The following PPP1R7 variants were observed in gnomAD, a reference collection of about 807,000 sequenced individuals.
PPP1R7 encodes the protein protein phosphatase 1 regulatory subunit 7.
Under a neutral mutation model 45.2 loss-of-function variants are expected in PPP1R7, and 18 were observed. That is an observed-to-expected ratio of 0.40 (90% CI 0.28 to 0.59). PPP1R7 has a LOEUF of 0.59. PPP1R7 is among the 20% of genes least tolerant of loss of function. The pLI is 0.46. For synonymous variants in PPP1R7, 181 were observed against 183.4 expected (o/e 0.99, Z 0.11); for missense variants, 314 against 455.8 (o/e 0.69, Z 2.83).
intron 8 of PPP1R7, among the ~76,000 whole-genome samples, chr2:241,169,278 T>A (rs1353943070): frequency 6.6e-6 from 1 of 152,176 alleles, no homozygotes; most frequent in East Asian, 1.9e-4. Flanking sequence ...CTCCCACTGC[T>A]ACTGTGCGCC....
chr2:241,173,564 G>A (rs1253474054), intron 9 of PPP1R7, among the ~76,000 whole-genome samples: 2 of 152,126 alleles, frequency 1.3e-5, no homozygotes, highest in Non-Finnish European at 2.9e-5. Context: ...TTTCTGTGAT[G>A]TGTCAGGGTT....
At chr2:241,173,916 A>ATTTT (rs10688614) in intron 9 of PPP1R7, among the ~76,000 whole-genome samples, 1 of 145,328 alleles carries the variant, frequency 6.9e-6, no homozygotes, top group African/African-American at 2.5e-5. Context: ...ATTTGGCTTT[A>ATTTT]TTTTTTTTTT....
At chr2:241,152,656 C>G (rs1256433188) in intron 1 of PPP1R7, among the ~76,000 whole-genome samples, 1 of 152,124 alleles carries the variant, frequency 6.6e-6, no homozygotes, top group Non-Finnish European at 1.5e-5. Flanking sequence ...GTAGATAAAC[C>G]ATAGTCAGGA....
chr2:241,169,881 A>G lies in PPP1R7; in HGVS notation c.906+14A>G. 1.3e-6 allele frequency: 2 copies of G among 1,582,516 alleles called. No homozygotes were observed. Among genetic ancestry groups the G allele is most frequent in the Non-Finnish European group, 1.7e-6 (2 of 1,151,382 alleles). On this transcript the variant is annotated intron_variant, in intron 9 of 9. Transcript: ENST00000234038. ...CAAGAGTTCTGGGTAAGTTTAATAC[A>G]CGCTGGGGTTGATGACACTTTGACT...
At chr2:241,152,708 T>C (rs928874986) in intron 1 of PPP1R7, among the ~76,000 whole-genome samples, 4 of 152,202 alleles carry the variant, frequency 2.6e-5, no homozygotes, top group African/African-American at 9.6e-5. Flanking sequence ...AGTAATGTGT[T>C]AGTGCCTCAT....
chr2:241,174,075 T>C (rs2067868054), intron 9 of PPP1R7, among the ~76,000 whole-genome samples: 1 of 152,220 alleles, frequency 6.6e-6, no homozygotes, highest in Admixed American at 6.5e-5. Flanking sequence ...CTTCAAAACA[T>C]ACTGAACTTT....
intron 1 of PPP1R7, 137 bp from the exon 2 acceptor site, chr2:241,153,339 C>T: frequency 8.6e-7 from 1 of 1,167,160 alleles, no homozygotes; most frequent in Admixed American, 2.2e-5. Context: ...ACATGGGAGA[C>T]ACTCAGATGT....
At position 241,163,481 on chromosome 2, in the gene PPP1R7, T is replaced by A. The variant is rs561934807; in HGVS notation, c.714+80T>A. ...CTGGACACAATCTTAGTTTTTATCC[T>A]TCACTGCCTTCACAATTGGCACTTC... On this transcript the variant is annotated intron_variant, in intron 7 of 9. Transcript: ENST00000234038. 1.2e-4 allele frequency: 113 copies of A among 936,814 alleles called. 1 individual carries two copies. The South Asian group carries it at 1.6e-3, about 13-fold the overall frequency. The allele number at this position is 936,814 out of a possible 1,614,324, so 58.0% of individuals were successfully genotyped here. A position where few individuals can be genotyped will look rare whatever the true frequency, so the allele number is the denominator to read the frequency against.
At chr2:241,177,501 A>T (rs1319269163) in intron 9 of PPP1R7, among the ~76,000 whole-genome samples, 3 of 152,232 alleles carry the variant, frequency 2.0e-5, no homozygotes, top group Non-Finnish European at 4.4e-5. Flanking sequence ...AATTTTATAA[A>T]GCGTATGTAT....
Position 241,166,328 on chromosome 2 carries a change from C to G in PPP1R7, c.715-9C>G, listed in dbSNP as rs1379210070. On this transcript the variant is annotated splice_polypyrimidine_tract_variant and intron_variant, in intron 7 of 9. Coordinates refer to ENST00000234038, the MANE Select transcript of PPP1R7 (RefSeq NM_002712.3). The stretch of plus-strand genomic sequence containing the variant: ...CTGTTCTGACAGCTGTGTGCTCTCC[C>G]TCTTGCAGAGCAACCGGCTGACCAA... 1.2e-6 allele frequency: 2 copies of G among 1,611,214 alleles called. No individual in the cohort carries two copies.
Position 241,155,625 on chromosome 2 carries a change from C to T in PPP1R7, c.181+2021C>T, listed in dbSNP as rs565583500. Among the ~76,000 whole-genome samples, 83 of 152,304 alleles carry T rather than the reference C, an allele frequency of 5.4e-4. 2 individuals are homozygous for T. Among genetic ancestry groups the T allele is most frequent in the Admixed American group, 5.4e-3 (82 of 15,296 alleles). On this transcript the variant is annotated intron_variant, in intron 2 of 9. Transcript: ENST00000234038. ...AAACCTTGTTTCAGAGGTTAGCTGA[C>T]ATTTTGAGTGGTGAGCGGCCAGCCC...
At chr2:241,167,457 C>T (rs949983168) in intron 8 of PPP1R7, among the ~76,000 whole-genome samples, 2 of 147,408 alleles carry the variant, frequency 1.4e-5, no homozygotes, top group African/African-American at 2.5e-5. Context: ...TAAGTCGAGA[C>T]GTGCCTGCAG....
intron 8 of PPP1R7, 25 bp downstream of exon 8, chr2:241,166,466 G>A (rs747198359): frequency 2.5e-6 from 4 of 1,605,386 alleles, no homozygotes; most frequent in South Asian, 1.1e-5. Flanking sequence ...GTCTGTCTGG[G>A]GCTGTGTGGG....
In PPP1R7 at chr2:241,157,893, C is replaced by A. The variant is rs1553620751; in HGVS notation, c.237+31C>A. 5 of 1,601,734 alleles carry A rather than the reference C, an allele frequency of 3.1e-6. No individual in the cohort carries two copies. The East Asian group carries it at 8.9e-5, about 29-fold the overall frequency. On this transcript the variant is annotated intron_variant, in intron 3 of 9. Coordinates refer to ENST00000234038, the MANE Select transcript of PPP1R7 (RefSeq NM_002712.3). ...GCCGCCTGCTCAGCCCAGCCTTGGG[C>A]GTGGTGATGGACCACCCTGTCAGGT...
chr2:241,149,657 C>T, upstream of PPP1R7: 3 of 1,543,072 alleles, frequency 1.9e-6, no homozygotes, highest in South Asian at 1.2e-5. Context: ...ATGGGCGCCT[C>T]CGCCCCCGGG....
chr2:241,159,088 ACAG>A (rs2067525865), intron 4 of PPP1R7, 122 bp from the exon 5 acceptor site: 3 of 1,210,050 alleles, frequency 2.5e-6, no homozygotes, highest in Non-Finnish European at 2.3e-6. Context: ...TTTCTAGGAA[ACAG>A]CAGGAGAATG....
chr2:241,167,797 T>C (rs1418986119), intron 8 of PPP1R7, among the ~76,000 whole-genome samples: 2 of 152,272 alleles, frequency 1.3e-5, no homozygotes, highest in Non-Finnish European at 2.9e-5. Flanking sequence ...TATTGTAATC[T>C]TCATCATGAT....
At chr2:241,169,756 G>A (rs778816418) in intron 8 of PPP1R7, 25 bp from the exon 9 acceptor site, 3 of 1,574,308 alleles carry the variant, frequency 1.9e-6, no homozygotes, top group Middle Eastern at 1.7e-4. Context: ...GGTAATCCAG[G>A]AAACATTTTA....
At chr2:241,174,370 G>A (rs2067872570) in intron 9 of PPP1R7, among the ~76,000 whole-genome samples, 1 of 152,140 alleles carries the variant, frequency 6.6e-6, no homozygotes, top group South Asian at 2.1e-4. Flanking sequence ...GCCTAGCACA[G>A]CTTCATCTTC....
Sources: gnomAD v4.1 joint callset for allele counts (sites outside exome capture counted in the v4.1 genomes callset) on GRCh38, gnomAD v4.1.1 for gene constraint, MANE v1.5 for transcripts, NCBI Gene and HGNC (gene_info 2026-07-23, HGNC 2026-07-21) for gene names.